Variants in POLA1 observed in about 807,000 individuals in gnomAD.
POLA1 encodes DNA polymerase alpha catalytic subunit.
In POLA1, 15 loss-of-function variants were observed where a neutral mutation model predicts 124.0. That is an observed-to-expected ratio of 0.12 (90% CI 0.08 to 0.19). The LOEUF is 0.19. Among genes scored for constraint, POLA1 ranks in the 10% least tolerant of loss-of-function variants. POLA1 has a pLI of 1.00. For synonymous variants in POLA1, 408 were observed against 389.4 expected (o/e 1.05, Z -0.56); for missense variants, 886 against 1,103.4 (o/e 0.80, Z 2.79).
At chrX:24,861,247 C>T (rs1477202800) in intron 34 of POLA1, among the ~76,000 whole-genome samples, 1 of 112,411 alleles carries the variant, frequency 8.9e-6, no homozygotes, top group African/African-American at 3.2e-5. Flanking sequence ...ATTCTCCCGC[C>T]TGAGCCCCCC....
intron 35 of POLA1, among the ~76,000 whole-genome samples, chrX:24,918,188 A>G (rs776415361): frequency 9.5e-6 from 1 of 105,514 alleles, no homozygotes; most frequent in Non-Finnish European, 1.9e-5. Context: ...TAGCTGATAC[A>G]CACCCCACCC....
intron 36 of POLA1, among the ~76,000 whole-genome samples, chrX:24,950,513 C>A (rs891816924): frequency 8.9e-6 from 1 of 112,138 alleles, no homozygotes; most frequent in African/African-American, 3.2e-5. Flanking sequence ...CAATAAAGTT[C>A]ATCAAAAGAT....
intron 36 of POLA1, among the ~76,000 whole-genome samples, chrX:24,982,306 G>A (rs1176374194): frequency 9.0e-6 from 1 of 111,025 alleles, no homozygotes; most frequent in Admixed American, 9.6e-5. Flanking sequence ...ATCCAGAGTA[G>A]CATTAAAATT....
intron 35 of POLA1, among the ~76,000 whole-genome samples, chrX:24,899,576 C>G (rs993036898): frequency 8.9e-6 from 1 of 111,779 alleles, no homozygotes; most frequent in East Asian, 2.8e-4. Flanking sequence ...ATAGATGTCA[C>G]TCCCAAACAA....
intron 35 of POLA1, among the ~76,000 whole-genome samples, chrX:24,912,651 C>T (rs1298867335): frequency 8.9e-6 from 1 of 111,841 alleles, no homozygotes; most frequent in Non-Finnish European, 1.9e-5. Context: ...AAAACCTTGA[C>T]AAAGGCTGGG....
chrX:24,800,376 A>T (rs1332471771), intron 26 of POLA1, among the ~76,000 whole-genome samples: 1 of 111,582 alleles, frequency 9.0e-6, no homozygotes, highest in Non-Finnish European at 1.9e-5. Flanking sequence ...GGATTTTCAG[A>T]TTTCTTGACC....
chrX:24,929,332 AC>A (rs1428104025), intron 35 of POLA1, among the ~76,000 whole-genome samples: 4 of 112,600 alleles, frequency 3.6e-5, no homozygotes, highest in African/African-American at 1.3e-4. Context: ...TGTACAAATG[AC>A]TTGGCTGTTG....
intron 2 of POLA1, 140 bp downstream of exon 2, chrX:24,699,689 G>A (rs1222528849): frequency 2.5e-6 from 1 of 405,726 alleles, no homozygotes; most frequent in Non-Finnish European, 4.0e-6. Context: ...ATTAGTATTG[G>A]ACAAGCATGG....
intron 36 of POLA1, among the ~76,000 whole-genome samples, chrX:24,932,388 A>T (rs981362824): frequency 1.9e-4 from 21 of 112,132 alleles, no homozygotes; most frequent in Admixed American, 1.7e-3. Flanking sequence ...CTGGAAAGTC[A>T]CTGGAGATTT....
chrX:24,908,013 G>C (rs766429011), intron 35 of POLA1, among the ~76,000 whole-genome samples: 1 of 111,179 alleles, frequency 9.0e-6, no homozygotes, highest in South Asian at 3.8e-4. Context: ...TTGACATTCT[G>C]AAGTATAGAC....
intron 26 of POLA1, among the ~76,000 whole-genome samples, chrX:24,799,562 A>G (rs1293918699): frequency 8.9e-6 from 1 of 112,324 alleles, no homozygotes; most frequent in Non-Finnish European, 1.9e-5. Flanking sequence ...CAAATAGACA[A>G]TTATGATCAA....
chrX:24,802,712 T>C (rs1316897798), intron 26 of POLA1, among the ~76,000 whole-genome samples: 1 of 111,726 alleles, frequency 9.0e-6, no homozygotes, highest in East Asian at 2.8e-4. Flanking sequence ...AGGAAACCAT[T>C]TGGGGCCAGG....
intron 26 of POLA1, among the ~76,000 whole-genome samples, chrX:24,794,683 A>G (rs937664914): frequency 1.7e-4 from 19 of 111,864 alleles, no homozygotes; most frequent in African/African-American, 6.2e-4. Flanking sequence ...AAGAAAAGCA[A>G]TGGCCATATT....
rs199772880 is a variant in POLA1, at chrX:24,892,899, C to A, written c.4164+4777C>A. Among the ~76,000 whole-genome samples the A allele has an allele frequency of 2.5e-4, 28 of 111,814 alleles. No individual in the cohort carries two copies. The East Asian group carries it at 3.9e-3, about 16-fold the overall frequency. On this transcript the variant is annotated intron_variant, in intron 35 of 36. Transcript: ENST00000379068. ...ACTTCTAGTCCTACTTTGAGAAACC[C>A]CCTAGTGTTTCTCACATTTTCCTCA...
intron 35 of POLA1, among the ~76,000 whole-genome samples, chrX:24,904,000 T>A (rs2047321539): frequency 9.4e-6 from 1 of 106,522 alleles, no homozygotes; most frequent in Non-Finnish European, 1.9e-5. Context: ...AGTGGTATGA[T>A]CAAGGCACCC....
chrX:24,841,774 T>A lies in POLA1; in HGVS notation c.3859T>A (p.Cys1287Ser). ...EKYRDCERFK[C>S]PCPTCGTENI... is the part of the protein sequence containing the mutation. ...ATACAGGGACTGTGAAAGATTCAAA[T>A]GTCCATGCCCTACATGTGGAACTGA... The change falls in exon 33 of 37, where the codon TGT becomes AGT. Residue 1287 changes from cysteine to serine, a missense_variant. By Grantham distance (112) the Cys-to-Ser change is moderately radical. Coordinates refer to ENST00000379068, the MANE Select transcript of POLA1 (RefSeq NM_001330360.2). 8.3e-7 allele frequency: 1 copy of A among 1,198,770 alleles called. No homozygotes were observed. The highest frequency in any genetic ancestry group is 1.1e-6 in the Non-Finnish European group (1 of 884,360).
At chrX:24,938,452 T>C (rs1352595254) in intron 36 of POLA1, among the ~76,000 whole-genome samples, 5 of 111,638 alleles carry the variant, frequency 4.5e-5, no homozygotes, top group Admixed American at 9.5e-5. Flanking sequence ...CTACACCCAC[T>C]TCGTGTAAGG....
At chrX:24,761,183 A>AT (rs764952184) in intron 26 of POLA1, among the ~76,000 whole-genome samples, 1 of 111,870 alleles carries the variant, frequency 8.9e-6, no homozygotes, top group East Asian at 2.8e-4. Flanking sequence ...CTTGGGTTTG[A>AT]TTTTGTATTA....
chrX:24,801,309 GT>G (rs1219574081), intron 26 of POLA1, among the ~76,000 whole-genome samples: 2 of 112,184 alleles, frequency 1.8e-5, no homozygotes, highest in African/African-American at 6.5e-5. Context: ...GGGTCCTGTT[GT>G]TGTGGAGATG....
Sources: allele counts gnomAD v4.1 joint callset (sites outside exome capture counted in the v4.1 genomes callset), GRCh38; gene constraint gnomAD v4.1.1; transcripts MANE v1.5; gene names NCBI Gene and HGNC (gene_info 2026-07-23, HGNC 2026-07-21).